The following CDK12 variants were observed in gnomAD, a reference collection of about 807,000 sequenced individuals.
CDK12 encodes the protein cyclin-dependent kinase 12.
Under a neutral mutation model 133.8 loss-of-function variants are expected in CDK12, and 17 were observed. The ratio of observed to expected loss-of-function variants is 0.13; its 90% CI spans 0.09 to 0.19. CDK12 has a LOEUF of 0.19. CDK12 is among the 10% of genes least tolerant of loss of function. The pLI is 1.00. For missense variants in CDK12, 1,508 were observed against 1,818.7 expected, an observed-to-expected ratio of 0.83 and a Z score of 3.11; for synonymous variants, 694 against 683.6, an observed-to-expected ratio of 1.02 and a Z score of -0.24.
rs951199358 is a variant in CDK12 at position 39,533,506 on chromosome 17, G to T, written c.*2190G>T. On this transcript the variant is annotated 3_prime_UTR_variant, in exon 14 of 14. Coordinates refer to ENST00000447079, the MANE Select transcript of CDK12 (RefSeq NM_016507.4). ...GTATCTGTTCAATGAAAAAAAGTTGGTTTCCCATCAAATATGAATAAAATT... is the reference window on the plus strand; with the variant it reads ...GTATCTGTTCAATGAAAAAAAGTTGTTTTCCCATCAAATATGAATAAAATT... The T allele has an allele frequency of 4.3e-6, 1 of 232,984 alleles. No individual in the cohort carries two copies. Among genetic ancestry groups the T allele is most frequent in the African/African-American group, 2.2e-5 (1 of 45,284 alleles). The allele number at this position is 232,984 out of a possible 1,614,324, so 14.4% of individuals were successfully genotyped here.
intron 2 of CDK12, among the ~76,000 whole-genome samples, chr17:39,473,939 C>G (rs767731042): frequency 6.6e-6 from 1 of 151,612 alleles, no homozygotes; most frequent in Non-Finnish European, 1.5e-5. Flanking sequence ...CGCCTGTAAT[C>G]CCAGCTACTC....
chr17:39,500,246 G>A (rs993183519), intron 5 of CDK12, among the ~76,000 whole-genome samples: 1 of 152,066 alleles, frequency 6.6e-6, no homozygotes, highest in African/African-American at 2.4e-5. Flanking sequence ...CGGAAGATTC[G>A]CTTGAGCCCA....
In CDK12 at chr17:39,531,218, T is replaced by TG. The variant is rs760014508; in HGVS notation, c.4382dup (p.Thr1463AsnfsTer50). On this transcript the variant is annotated frameshift_variant, in exon 14 of 14. Transcript: ENST00000447079. LOFTEE classifies it high-confidence loss of function. ...CAGCAGCTCAGGAGCAGGCCTTCACTGGGGGGGCCCAACTCAGTCTTCTGC... is the reference window on the plus strand; with the variant it reads ...CAGCAGCTCAGGAGCAGGCCTTCACTGGGGGGGGCCCAACTCAGTCTTCTGC... The TG allele has an allele frequency of 9.9e-6, 15 of 1,515,782 alleles. No homozygotes were observed. The highest frequency in any genetic ancestry group is 1.3e-5 in the South Asian group (1 of 74,270). The allele number at this position is 1,515,782 out of a possible 1,614,324, so 93.9% of individuals were successfully genotyped here. A position where few individuals can be genotyped will look rare whatever the true frequency, so the allele number is the denominator to read the frequency against.
At chr17:39,472,057 T>C (rs1432675849) in intron 2 of CDK12, among the ~76,000 whole-genome samples, 2 of 152,064 alleles carry the variant, frequency 1.3e-5, no homozygotes, top group East Asian at 3.9e-4. Flanking sequence ...CATCTCAGCT[T>C]ACTGCAACAT....
intron 2 of CDK12, among the ~76,000 whole-genome samples, chr17:39,553,933 C>T (rs1013188819): frequency 1.5e-5 from 1 of 64,836 alleles, no homozygotes; most frequent in African/African-American, 4.2e-5. Context: ...AGGGGAGGCC[C>T]CAACTATAAA....
In CDK12 at chr17:39,533,994, G is replaced by C; in HGVS notation, c.*2678G>C. 1 of 232,272 alleles carries C rather than the reference G, an allele frequency of 4.3e-6. No homozygotes were observed. The highest frequency in any genetic ancestry group is 8.5e-6 in the Non-Finnish European group (1 of 117,466). 14.4% of individuals were successfully genotyped at this position (232,272 alleles called of 1,614,324 possible). A position where few individuals can be genotyped will look rare whatever the true frequency, so the allele number is the denominator to read the frequency against. ...TTTTGTTTTAATTATTGTACAATGAGAGATATTGTCTATTAAATACATTAT... is the reference window on the plus strand; with the variant it reads ...TTTTGTTTTAATTATTGTACAATGACAGATATTGTCTATTAAATACATTAT... On this transcript the variant is annotated 3_prime_UTR_variant, in exon 14 of 14. Coordinates refer to ENST00000447079, the MANE Select transcript of CDK12 (RefSeq NM_016507.4).
At chr17:39,551,430 T>C (rs977841859) in intron 2 of CDK12, among the ~76,000 whole-genome samples, 3 of 152,050 alleles carry the variant, frequency 2.0e-5, no homozygotes, top group Admixed American at 2.0e-4. Context: ...GGAAATGCAT[T>C]ATTTACCCCA....
At chr17:39,487,888 T>TA (rs2051269083) in intron 2 of CDK12, among the ~76,000 whole-genome samples, 1 of 152,098 alleles carries the variant, frequency 6.6e-6, no homozygotes, top group African/African-American at 2.4e-5. Flanking sequence ...GTGTTGGTAT[T>TA]ACGGGCATGA....
chr17:39,478,048 TCTC>T lies in CDK12; in HGVS notation c.1931+6293_1931+6295del, dbSNP rs2050358422. Among the ~76,000 whole-genome samples the T allele has an allele frequency of 3.4e-5, 5 of 149,188 alleles. No homozygotes were observed. In the South Asian group the frequency reaches 6.4e-4, roughly 19 times the overall value. ...ACATGATTTTTTTTTTTTTTAGCCA[TCTC>T]CTCCTCCACCTCTTTTTTTTTTTTT... On this transcript the variant is annotated intron_variant, in intron 2 of 13. Coordinates refer to ENST00000447079, the MANE Select transcript of CDK12 (RefSeq NM_016507.4).
At chr17:39,520,200 T>C (rs2054078522) in intron 11 of CDK12, 113 bp downstream of exon 11, 1 of 1,113,112 alleles carries the variant, frequency 9.0e-7, no homozygotes, top group Admixed American at 2.3e-5. Flanking sequence ...GAGGTGTCTT[T>C]GAGTATTATG....
At chr17:39,495,287 G>C (rs1349801636) in intron 5 of CDK12, among the ~76,000 whole-genome samples, 1 of 149,152 alleles carries the variant, frequency 6.7e-6, no homozygotes, top group Non-Finnish European at 1.5e-5. Context: ...TATGTTCGTC[G>C]AGCTGGTCTC....
At chr17:39,537,495 A>T (rs1041120473), downstream of CDK12, among the ~76,000 whole-genome samples, 4 of 152,090 alleles carry the variant, frequency 2.6e-5, no homozygotes, top group African/African-American at 9.7e-5. Context: ...GAGAACTAGA[A>T]GAGTCTGGTA....
At position 39,517,348 on chromosome 17, in the gene CDK12, C is replaced by G. The variant is rs930557964; in HGVS notation, c.2847-92C>G. On this transcript the variant is annotated intron_variant, in intron 9 of 13. Transcript: ENST00000447079. ...TGTAATAACCAAAGATTCCCCAGAC[C>G]TCAGGAGGTAATAATTTCTGCTTCT... The G allele has an allele frequency of 5.4e-6, 4 of 744,190 alleles. No homozygotes were observed. In the African/African-American group the frequency reaches 7.0e-5, roughly 13 times the overall value. 46.1% of individuals were successfully genotyped at this position (744,190 alleles called of 1,614,324 possible).
At chr17:39,489,123 C>T (rs972961036) in intron 2 of CDK12, among the ~76,000 whole-genome samples, 1 of 150,044 alleles carries the variant, frequency 6.7e-6, no homozygotes, top group Non-Finnish European at 1.5e-5. Context: ...CTCTGTCTCT[C>T]CGGCTGGAGT....
At chr17:39,555,731 T>C (rs1041955018) in intron 2 of CDK12, among the ~76,000 whole-genome samples, 1 of 151,718 alleles carries the variant, frequency 6.6e-6, no homozygotes, top group Non-Finnish European at 1.5e-5. Context: ...CAGTGACTTA[T>C]GCCTATAATC....
At chr17:39,483,192 C>A (rs753546189) in intron 2 of CDK12, among the ~76,000 whole-genome samples, 1 of 152,084 alleles carries the variant, frequency 6.6e-6, no homozygotes, top group Non-Finnish European at 1.5e-5. Flanking sequence ...GCATTACAGG[C>A]GTGAGCCACC....
chr17:39,482,656 G>T (rs2050811849), intron 2 of CDK12, among the ~76,000 whole-genome samples: 2 of 121,900 alleles, frequency 1.6e-5, no homozygotes, highest in African/African-American at 2.9e-5. Flanking sequence ...AGGCTGGAGT[G>T]CTGTGGTATG....
chr17:39,489,169 C>G (rs1403510304), intron 2 of CDK12, among the ~76,000 whole-genome samples: 1 of 151,352 alleles, frequency 6.6e-6, no homozygotes, highest in Admixed American at 6.6e-5. Context: ...CAACCTCCAC[C>G]CCTGGGGTTC....
chr17:39,488,444 C>G lies in CDK12; in HGVS notation c.1932-2113C>G, dbSNP rs192656198. ...TATTTTGGCTGGTCAGGTTTGCCTT[C>G]TGCTTTGAAGTGAACGGAATGATTC... On this transcript the variant is annotated intron_variant, in intron 2 of 13. Coordinates refer to ENST00000447079, the MANE Select transcript of CDK12 (RefSeq NM_016507.4). Among the ~76,000 whole-genome samples, 6 of 152,180 alleles carry G rather than the reference C, an allele frequency of 3.9e-5. No homozygotes were observed. The East Asian group carries it at 1.2e-3, about 29-fold the overall frequency.
Sources: gnomAD v4.1 joint callset for allele counts (sites outside exome capture counted in the v4.1 genomes callset) on GRCh38, gnomAD v4.1.1 for gene constraint, MANE v1.5 for transcripts, NCBI Gene and HGNC (gene_info 2026-07-23, HGNC 2026-07-21) for gene names.